Variants in GCH1 observed in about 807,000 individuals in gnomAD.
The protein encoded by GCH1 is GTP cyclohydrolase I.
In GCH1, 5 loss-of-function variants were observed where a neutral mutation model predicts 25.9. The ratio of observed to expected loss-of-function variants is 0.19; its 90% CI spans 0.10 to 0.41. The LOEUF (loss-of-function observed/expected upper bound fraction) is 0.41, where lower values mean the gene tolerates loss of function less well. Among genes scored for constraint, GCH1 ranks in the 10% least tolerant of loss-of-function variants. The pLI, the probability that GCH1 is intolerant of heterozygous loss-of-function variation, is 1.00. For synonymous variants in GCH1, 159 were observed against 129.6 expected, an observed-to-expected ratio of 1.23 and a Z score of -1.54; for missense variants, 261 against 336.5, an observed-to-expected ratio of 0.78 and a Z score of 1.75.
At chr14:54,895,873 C>T (rs1038848963) in intron 1 of GCH1, among the ~76,000 whole-genome samples, 1 of 152,136 alleles carries the variant, frequency 6.6e-6, no homozygotes, top group Admixed American at 6.5e-5. Flanking sequence ...TACTAGGAAA[C>T]CTATACAACC....
intron 1 of GCH1, among the ~76,000 whole-genome samples, chr14:54,868,145 G>A (rs942277788): frequency 6.6e-6 from 1 of 152,192 alleles, no homozygotes; most frequent in Non-Finnish European, 1.5e-5. Flanking sequence ...CAGGCACAGT[G>A]GCTCACACCT....
At chr14:54,852,139 A>G (rs2039740767) in intron 3 of GCH1, among the ~76,000 whole-genome samples, 1 of 152,200 alleles carries the variant, frequency 6.6e-6, no homozygotes, top group Non-Finnish European at 1.5e-5. Flanking sequence ...AGGTTCTCGG[A>G]ATCTATGACT....
At chr14:54,901,964 G>A (rs563268452) in intron 1 of GCH1, among the ~76,000 whole-genome samples, 1 of 152,326 alleles carries the variant, frequency 6.6e-6, no homozygotes, top group South Asian at 2.1e-4. Context: ...GGCAAGTTTG[G>A]AACCGCAGGT....
intron 1 of GCH1, among the ~76,000 whole-genome samples, chr14:54,896,254 C>T (rs1291775011): frequency 6.6e-6 from 1 of 152,058 alleles, no homozygotes; most frequent in African/African-American, 2.4e-5. Flanking sequence ...TATATAGTGG[C>T]CACTTGACTC....
chr14:54,880,812 T>TATATATATATATATACTCC (rs2040258725), intron 1 of GCH1, among the ~76,000 whole-genome samples: 5 of 82,794 alleles, frequency 6.0e-5, no homozygotes, highest in Non-Finnish European at 6.3e-5. Flanking sequence ...ATATACTCCA[T>TATATATATATATATACTCC]ATATATATAT....
At chr14:54,899,406 C>A (rs1179360409) in intron 1 of GCH1, among the ~76,000 whole-genome samples, 2 of 152,020 alleles carry the variant, frequency 1.3e-5, no homozygotes, top group Non-Finnish European at 2.9e-5. Flanking sequence ...TGCAGTGAGC[C>A]GAGATTGCGC....
chr14:54,877,767 T>C (rs2040184350), intron 1 of GCH1, among the ~76,000 whole-genome samples: 1 of 152,114 alleles, frequency 6.6e-6, no homozygotes, highest in Non-Finnish European at 1.5e-5. Flanking sequence ...AGTGCTGTGA[T>C]TACAGGCATG....
At position 54,897,236 on chromosome 14, in the gene GCH1, T is replaced by A. The variant is rs556674655; in HGVS notation, c.343+5085A>T. ...CTCTTGACCTCGTTATTTGCCCACC[T>A]CAGCCTCCCAAAGTGCTGGGATTAC... On this transcript the variant is annotated intron_variant, in intron 1 of 5. Transcript: ENST00000491895. Among the ~76,000 whole-genome samples the A allele has an allele frequency of 1.9e-3, 280 of 150,930 alleles. 1 individual carries two copies. Among genetic ancestry groups the A allele is most frequent in the African/African-American group, 6.6e-3 (270 of 41,042 alleles).
intron 3 of GCH1, among the ~76,000 whole-genome samples, chr14:54,851,115 C>G (rs1418869342): frequency 6.6e-6 from 1 of 152,112 alleles, no homozygotes; most frequent in East Asian, 1.9e-4. Flanking sequence ...ACAAACATGA[C>G]AAAAACAAGA....
chr14:54,884,790 C>G (rs552941568), intron 1 of GCH1: 1 of 136,720 alleles, frequency 7.3e-6, no homozygotes, highest in African/African-American at 3.1e-5. Flanking sequence ...ACAACAACAA[C>G]AACAACAACA....
Position 54,877,246 on chromosome 14 carries a change from AG to A in GCH1, c.344-11811del, listed in dbSNP as rs1219891910. Among the ~76,000 whole-genome samples the A allele has an allele frequency of 4.6e-5, 7 of 152,238 alleles. No individual in the cohort carries two copies. In the East Asian group the frequency reaches 1.3e-3, roughly 29 times the overall value. On this transcript the variant is annotated intron_variant, in intron 1 of 5. Coordinates refer to ENST00000491895, the MANE Select transcript of GCH1 (RefSeq NM_000161.3). ...GCAGCAAGAAGGTAACCCTGGAAAC[AG>A]GGATTTATGGCATTCTGTTTCCTAC...
At position 54,843,831 on chromosome 14, in the gene GCH1, A is replaced by G; in HGVS notation, c.*186T>C. ...TGCCACAAAAAGGTGGCAAGAAGAA[A>G]GTAGAGGGCTCAACCCTTTATTATA... On this transcript the variant is annotated 3_prime_UTR_variant, in exon 6 of 6. Transcript: ENST00000491895. 1 of 1,613,160 alleles carries G rather than the reference A, an allele frequency of 6.2e-7. No individual in the cohort carries two copies. The highest frequency in any genetic ancestry group is 8.5e-7 in the Non-Finnish European group (1 of 1,179,106).
At chr14:54,845,087 C>T (rs1181271535) in intron 5 of GCH1, among the ~76,000 whole-genome samples, 1 of 152,030 alleles carries the variant, frequency 6.6e-6, no homozygotes, top group African/African-American at 2.4e-5. Context: ...GCAGGAGAAT[C>T]GCTTGAACCT....
chr14:54,869,223 T>G (rs996237052), intron 1 of GCH1, among the ~76,000 whole-genome samples: 1 of 151,708 alleles, frequency 6.6e-6, no homozygotes, highest in African/African-American at 2.4e-5. Context: ...GTATTTTTAG[T>G]AGAGACGGGG....
rs1273058870 is a variant in GCH1, at chr14:54,880,799, TATATATACTCC to T, written c.344-15374_344-15364del. Among the ~76,000 whole-genome samples, 6 of 74,244 alleles carry T rather than the reference TATATATACTCC, an allele frequency of 8.1e-5. 1 individual carries two copies. Among genetic ancestry groups the T allele is most frequent in the African/African-American group, 4.5e-4 (6 of 13,232 alleles). 48.7% of individuals were successfully genotyped at this position (74,244 alleles called of 152,430 possible). On this transcript the variant is annotated intron_variant, in intron 1 of 5. Transcript: ENST00000491895. The stretch of plus-strand genomic sequence containing the variant: ...CATATATATATATACTCCATATATA[TATATATACTCC>T]ATATATATATATATATACTCCATAT...
intron 1 of GCH1, among the ~76,000 whole-genome samples, chr14:54,868,140 A>G: frequency 6.6e-6 from 1 of 152,176 alleles, no homozygotes. Context: ...CAGGCCAGGC[A>G]CAGTGGCTCA....
At chr14:54,888,658 G>A (rs1210441219) in intron 1 of GCH1, among the ~76,000 whole-genome samples, 2 of 149,168 alleles carry the variant, frequency 1.3e-5, no homozygotes, top group Admixed American at 6.7e-5. Flanking sequence ...GACTACAGGC[G>A]CCCACAACCA....
At chr14:54,851,793 A>G (rs1028429470) in intron 3 of GCH1, among the ~76,000 whole-genome samples, 2 of 152,202 alleles carry the variant, frequency 1.3e-5, no homozygotes, top group Non-Finnish European at 2.9e-5. Context: ...AACTAGTTCA[A>G]CCATTGTGGA....
chr14:54,902,572 C>G lies in GCH1; in HGVS notation c.92G>C (p.Gly31Ala). Residue 31 changes from glycine to alanine, a missense_variant, in exon 1 of 6, where the codon GGG (glycine) becomes GCG (alanine). Gly to Ala is a moderately conservative substitution (Grantham distance 60). This residue lies in a region of GCH1 where 125 missense variants were observed against 128.7 expected (regional missense o/e 0.97). Coordinates refer to ENST00000491895, the MANE Select transcript of GCH1 (RefSeq NM_000161.3). Reference sequence around the variant, plus strand: ...GGGCTTCTCCGCCGGCCTGCTGGGCCCGGGCCGCGGCGGATCCCGCTCGGG... The same window carrying G: ...GGGCTTCTCCGCCGGCCTGCTGGGCGCGGGCCGCGGCGGATCCCGCTCGGG... Reference protein sequence around the residue: ...GFPERDPPRPGPSRPAEKPPR... With the variant: ...GFPERDPPRPAPSRPAEKPPR... 1 of 1,496,206 alleles carries G rather than the reference C, an allele frequency of 6.7e-7. No individual in the cohort carries two copies. Among genetic ancestry groups the G allele is most frequent in the Non-Finnish European group, 8.9e-7 (1 of 1,125,406 alleles). The allele number at this position is 1,496,206 out of a possible 1,614,324, so 92.7% of individuals were successfully genotyped here.
Sources: allele counts gnomAD v4.1 joint callset (sites outside exome capture counted in the v4.1 genomes callset), GRCh38; gene constraint gnomAD v4.1.1; regional missense constraint gnomAD v4.1.1; transcripts MANE v1.5; gene names NCBI Gene and HGNC (gene_info 2026-07-23, HGNC 2026-07-21).